WLS: variants seen among roughly 807,000 people sequenced by gnomAD.
WLS encodes the protein Wnt ligand secretion mediator.
A neutral mutation model predicts 62.8 loss-of-function variants in WLS; 23 were observed. The ratio of observed to expected loss-of-function variants is 0.37; its 90% CI spans 0.26 to 0.52. WLS has a LOEUF of 0.52. Ranked by LOEUF, WLS falls within the 20% of genes least tolerant of loss-of-function variation. The pLI is 0.92. For missense variants in WLS, 615 were observed against 697.3 expected, an observed-to-expected ratio of 0.88 and a Z score of 1.33; for synonymous variants, 246 against 244.1, an observed-to-expected ratio of 1.01 and a Z score of -0.07.
downstream of WLS, among the ~76,000 whole-genome samples, chr1:68,122,834 C>T (rs951482629): frequency 2.6e-5 from 4 of 152,176 alleles, no homozygotes; most frequent in Admixed American, 6.5e-5. Flanking sequence ...CACTACACAT[C>T]GGTGGAGAAG....
At chr1:68,127,339 G>A (rs532343634) in intron 11 of WLS, 51 of 160,236 alleles carry the variant, frequency 3.2e-4, no homozygotes, top group African/African-American at 1.2e-3. Context: ...GAAAAAAGAA[G>A]TGCCAGAAAC....
At chr1:68,181,558 A>C (rs1055657633) in intron 2 of WLS, among the ~76,000 whole-genome samples, 2 of 152,190 alleles carry the variant, frequency 1.3e-5, no homozygotes, top group East Asian at 3.9e-4. Context: ...CATTTTAGAA[A>C]GACCAGTGCA....
chr1:68,136,329 C>A (rs1207356686), intron 11 of WLS, among the ~76,000 whole-genome samples: 1 of 152,156 alleles, frequency 6.6e-6, no homozygotes, highest in Non-Finnish European at 1.5e-5. Context: ...CTGAAGGAGT[C>A]GATGATCCAG....
At position 68,173,411 on chromosome 1, in the gene WLS, C is replaced by CCTCTCT. The variant is rs3053543; in HGVS notation, c.380-14170_380-14165dup. 9.8e-4 allele frequency among the ~76,000 whole-genome samples: 147 copies of CCTCTCT among 149,980 alleles called. 1 individual carries two copies. The highest frequency in any genetic ancestry group is 2.9e-3 in the African/African-American group (120 of 40,870). On this transcript the variant is annotated intron_variant, in intron 2 of 11. Transcript: ENST00000262348. ...CGTTGTGAAAATCTACCTGCGTGCC[C>CCTCTCT]CTCTCTCTCTCTCTCTCTCTCTGAA... is the stretch of plus-strand genomic sequence containing the variant.
intron 1 of WLS, among the ~76,000 whole-genome samples, chr1:68,225,833 G>A (rs920976189): frequency 6.6e-6 from 1 of 152,092 alleles, no homozygotes; most frequent in Non-Finnish European, 1.5e-5. Context: ...GAAAAAGTCC[G>A]GACTTACTGT....
At chr1:68,157,773 T>A (rs1646919345) in intron 3 of WLS, among the ~76,000 whole-genome samples, 1 of 152,150 alleles carries the variant, frequency 6.6e-6, no homozygotes, top group South Asian at 2.1e-4. Flanking sequence ...TAATTAAGCA[T>A]TAAGAAGCAG....
chr1:68,210,716 G>C (rs183724896), intron 1 of WLS, among the ~76,000 whole-genome samples: 4 of 152,244 alleles, frequency 2.6e-5, no homozygotes, highest in Admixed American at 1.3e-4. Context: ...CAAATGGAAG[G>C]TCCACTGGGC....
intron 2 of WLS, among the ~76,000 whole-genome samples, chr1:68,164,762 C>A (rs1383540251): frequency 6.6e-6 from 1 of 152,142 alleles, no homozygotes; most frequent in Non-Finnish European, 1.5e-5. Flanking sequence ...TCAAAGTCTG[C>A]ACACAAAACT....
chr1:68,203,364 T>C (rs1402877391), intron 1 of WLS, among the ~76,000 whole-genome samples: 1 of 152,174 alleles, frequency 6.6e-6, no homozygotes, highest in East Asian at 1.9e-4. Flanking sequence ...TCAGATTACC[T>C]GAGATAGTTG....
At chr1:68,231,862 G>GA (rs1650440051) in intron 1 of WLS, 2 of 244,076 alleles carry the variant, frequency 8.2e-6, no homozygotes, top group Non-Finnish European at 7.9e-6. Flanking sequence ...AAAAGCGGGG[G>GA]GGGGGGGGGG....
intron 1 of WLS, among the ~76,000 whole-genome samples, chr1:68,207,799 T>G (rs755589906): frequency 6.6e-6 from 1 of 152,198 alleles, no homozygotes; most frequent in African/African-American, 2.4e-5. Context: ...TAAATTTATT[T>G]TGAGGATAAA....
At chr1:68,126,891 A>T (rs1477650421) in intron 11 of WLS, among the ~76,000 whole-genome samples, 1 of 152,166 alleles carries the variant, frequency 6.6e-6, no homozygotes, top group African/African-American at 2.4e-5. Context: ...ATTTGCTATG[A>T]ATAATTTACA....
intron 1 of WLS, among the ~76,000 whole-genome samples, chr1:68,197,795 CA>C (rs1300861464): frequency 1.3e-5 from 2 of 151,882 alleles, no homozygotes; most frequent in Non-Finnish European, 2.9e-5. Context: ...TGTCTAGAAT[CA>C]AAAAAAGTTT....
At chr1:68,131,126 T>A (rs1228283243) in intron 11 of WLS, among the ~76,000 whole-genome samples, 4 of 150,792 alleles carry the variant, frequency 2.7e-5, no homozygotes, top group Non-Finnish European at 4.4e-5. Context: ...TTAGCCAGGA[T>A]GGTCTCGATC....
chr1:68,176,692 CAT>C (rs906430481), intron 2 of WLS, among the ~76,000 whole-genome samples: 3 of 152,220 alleles, frequency 2.0e-5, no homozygotes, highest in Admixed American at 6.5e-5. Flanking sequence ...GTCCTTTGCA[CAT>C]ATGTTATTTC....
chr1:68,110,524 A>C (rs1646211669), intron 11 of WLS, among the ~76,000 whole-genome samples: 1 of 152,132 alleles, frequency 6.6e-6, no homozygotes, highest in South Asian at 2.1e-4. Context: ...CTGAGGACAA[A>C]CAGGATGAAG....
chr1:68,113,320 T>C (rs1037001215), intron 11 of WLS, among the ~76,000 whole-genome samples: 8 of 152,188 alleles, frequency 5.3e-5, no homozygotes, highest in Non-Finnish European at 8.8e-5. Context: ...TGGACTCAAA[T>C]CTACCACCAC....
chr1:68,105,091 T>C (rs79931752), intron 11 of WLS, among the ~76,000 whole-genome samples: 2,338 of 152,262 alleles, frequency 0.015, 55 homozygotes, highest in African/African-American at 0.054. Flanking sequence ...TTTAATAAGG[T>C]TAGATGTCTG....
chr1:68,124,336 C>T (rs1044980573), downstream of WLS, among the ~76,000 whole-genome samples: 7 of 152,188 alleles, frequency 4.6e-5, no homozygotes, highest in Non-Finnish European at 7.3e-5. Context: ...CCATCTGGCT[C>T]ACAGGTGCAC....
Sources: gnomAD v4.1 joint callset for allele counts (sites outside exome capture counted in the v4.1 genomes callset) on GRCh38, gnomAD v4.1.1 for gene constraint, MANE v1.5 for transcripts, NCBI Gene and HGNC (gene_info 2026-07-23, HGNC 2026-07-21) for gene names.